Variants in TMBIM6 observed in about 807,000 individuals in gnomAD.
TMBIM6 encodes the protein bax inhibitor 1.
A neutral mutation model predicts 31.4 loss-of-function variants in TMBIM6; 13 were observed. The ratio of observed to expected loss-of-function variants is 0.41; its 90% CI spans 0.27 to 0.66. The LOEUF is 0.66. Ranked by LOEUF, TMBIM6 falls within the 30% of genes least tolerant of loss-of-function variation. TMBIM6 has a pLI of 0.28. For missense variants in TMBIM6, 275 were observed against 289.5 expected, an observed-to-expected ratio of 0.95 and a Z score of 0.36; for synonymous variants, 85 against 101.7, an observed-to-expected ratio of 0.84 and a Z score of 0.99.
chr12:49,761,742 T>G lies in TMBIM6; in HGVS notation c.653T>G (p.Phe218Cys), dbSNP rs1396768440. 1.1e-5 allele frequency: 17 copies of G among 1,614,246 alleles called. No individual in the cohort carries two copies. The highest frequency in any genetic ancestry group is 1.4e-5 in the Non-Finnish European group (17 of 1,180,044). The change falls in exon 9 of 10, where the codon TTC becomes TGC. Residue 218 changes from phenylalanine (F) to cysteine (C), a missense_variant. By Grantham distance (205) the Phe-to-Cys change is radical. Coordinates refer to ENST00000267115, the MANE Select transcript of TMBIM6 (RefSeq NM_003217.3). ...CTCTTCTTAGATTTCATTACTGTCTTCAGAAAACTCATGATGATCCTGGCC... is the reference window on the plus strand; with the variant it reads ...CTCTTCTTAGATTTCATTACTGTCTGCAGAAAACTCATGATGATCCTGGCC... ...IDLFLDFITV[F>C]RKLMMILAMN...
At chr12:49,742,382 G>T in intron 1 of TMBIM6, 2 of 1,431,096 alleles carry the variant, frequency 1.4e-6, no homozygotes, top group Non-Finnish European at 9.3e-7. Context: ...GGGCCTACTT[G>T]CTGGACCTGT....
chr12:49,741,971 G>T, intron 1 of TMBIM6: 2 of 1,027,186 alleles, frequency 1.9e-6, no homozygotes, highest in Non-Finnish European at 2.8e-6. Flanking sequence ...AGGGCCCCTT[G>T]GCCTAGCTTC....
chr12:49,760,949 C>G (rs1319287803), intron 8 of TMBIM6, among the ~76,000 whole-genome samples: 1 of 151,978 alleles, frequency 6.6e-6, no homozygotes, highest in Non-Finnish European at 1.5e-5. Context: ...AGGTGTTTCT[C>G]CTGCCTTAAC....
chr12:49,753,145 C>A, intron 3 of TMBIM6, 64 bp downstream of exon 3: 1 of 1,228,590 alleles, frequency 8.1e-7, no homozygotes, highest in Non-Finnish European at 1.2e-6. Context: ...ACCAGCTCAG[C>A]AAGGTGGTCC....
intron 4 of TMBIM6, among the ~76,000 whole-genome samples, chr12:49,756,588 G>A (rs777101303): frequency 2.0e-5 from 3 of 146,640 alleles, no homozygotes; most frequent in East Asian, 2.0e-4. Context: ...GGACTACAGC[G>A]GCTAATTTTT....
chr12:49,759,314 T>C lies in TMBIM6; in HGVS notation c.607T>C (p.Tyr203His). The C allele has an allele frequency of 6.2e-7, 1 of 1,613,502 alleles. No homozygotes were observed. The highest frequency in any genetic ancestry group is 8.5e-7 in the Non-Finnish European group (1 of 1,179,446). ...IEKAEHGDQD[Y>H]IWHCIDLFLD... ...AAAGGCCGAACATGGAGATCAAGAT[T>C]ATATCTGGTGAGTGTGGGAACTAGT... Residue 203 changes from tyrosine (Y) to histidine (H), a missense_variant, in exon 8 of 10, where the codon TAT (tyrosine) becomes CAT (histidine). Tyr to His is a moderately conservative substitution (Grantham distance 83, BLOSUM62 2). Transcript: ENST00000267115.
At chr12:49,753,265 CTA>C (rs1274263847) in intron 3 of TMBIM6, among the ~76,000 whole-genome samples, 184 bp downstream of exon 3, 1 of 152,216 alleles carries the variant, frequency 6.6e-6, no homozygotes, top group East Asian at 1.9e-4. Context: ...TGTGCCCCCT[CTA>C]GATACCGAAA....
At chr12:49,745,507 T>G (rs1445321481) in intron 1 of TMBIM6, among the ~76,000 whole-genome samples, 1 of 152,132 alleles carries the variant, frequency 6.6e-6, no homozygotes, top group East Asian at 1.9e-4. Context: ...GGCAGATCAC[T>G]TGAGGTCAGG....
At chr12:49,758,844 TC>T in intron 7 of TMBIM6, 82 bp downstream of exon 7, 8 of 1,218,748 alleles carry the variant, frequency 6.6e-6, no homozygotes, top group African/African-American at 3.1e-5. Context: ...TGCACTTCTT[TC>T]TGTACTACTT....
chr12:49,751,650 A>G (rs1457793641), intron 1 of TMBIM6, among the ~76,000 whole-genome samples: 3 of 151,744 alleles, frequency 2.0e-5, no homozygotes, highest in Admixed American at 6.6e-5. Context: ...ATACGCATAT[A>G]TTTAAAATGC....
At chr12:49,758,185 G>A in intron 4 of TMBIM6, 42 bp from the exon 5 acceptor site, 1 of 1,612,428 alleles carries the variant, frequency 6.2e-7, no homozygotes, top group Non-Finnish European at 8.5e-7. Context: ...TCCTATTCAA[G>A]AATTGATCGT....
At position 49,762,967 on chromosome 12, in the gene TMBIM6, C is replaced by A; in HGVS notation, c.*71C>A. ...CCTCATTTCCTTTTTGCACACATTA[C>A]AGGTGGTGTGTTCTGTGATAATGAA... is the stretch of plus-strand genomic sequence containing the variant. On this transcript the variant is annotated 3_prime_UTR_variant, in exon 10 of 10. Coordinates refer to ENST00000267115, the MANE Select transcript of TMBIM6 (RefSeq NM_003217.3). 1 of 1,500,728 alleles carries A rather than the reference C, an allele frequency of 6.7e-7. No homozygotes were observed. Among genetic ancestry groups the A allele is most frequent in the Non-Finnish European group, 9.2e-7 (1 of 1,082,266 alleles). The allele number at this position is 1,500,728 out of a possible 1,614,324, so 93.0% of individuals were successfully genotyped here. A position where few individuals can be genotyped will look rare whatever the true frequency, so the allele number is the denominator to read the frequency against.
intron 4 of TMBIM6, among the ~76,000 whole-genome samples, chr12:49,756,440 CTTTTTTT>C (rs1194535783): frequency 4.7e-5 from 5 of 105,826 alleles, no homozygotes; most frequent in Non-Finnish European, 7.5e-5. Flanking sequence ...TGCCTCCTGG[CTTTTTTT>C]TTTTTTTTTT....
At chr12:49,741,751 C>G (rs1318459863) in intron 1 of TMBIM6, 140 bp downstream of exon 1, 1 of 231,916 alleles carries the variant, frequency 4.3e-6, no homozygotes, top group Non-Finnish European at 8.7e-6. Flanking sequence ...GCTCGGAGAC[C>G]AGACTCGGGA....
chr12:49,747,856 C>G (rs551953790), intron 1 of TMBIM6, among the ~76,000 whole-genome samples: 26 of 152,156 alleles, frequency 1.7e-4, no homozygotes, highest in African/African-American at 6.3e-4. Context: ...TTCACTGTAG[C>G]TCCTAGGTGT....
intron 8 of TMBIM6, among the ~76,000 whole-genome samples, chr12:49,761,127 T>A (rs1297198702): frequency 6.6e-6 from 1 of 152,092 alleles, no homozygotes; most frequent in Non-Finnish European, 1.5e-5. Context: ...TGAGCCACTG[T>A]GCTCGGCACT....
intron 1 of TMBIM6, chr12:49,750,807 G>A (rs1230488951): frequency 2.0e-5 from 3 of 152,234 alleles, no homozygotes; most frequent in South Asian, 4.1e-4. Context: ...GGAAGCAGAT[G>A]ATGTTTATAT....
In TMBIM6 at chr12:49,758,769, C is replaced by G; in HGVS notation, c.513+7C>G. 6.2e-7 allele frequency: 1 copy of G among 1,608,518 alleles called. No individual in the cohort carries two copies. The highest frequency in any genetic ancestry group is 8.5e-7 in the Non-Finnish European group (1 of 1,176,446). On this transcript the variant is annotated splice_region_variant and intron_variant, in intron 7 of 9. Coordinates refer to ENST00000267115, the MANE Select transcript of TMBIM6 (RefSeq NM_003217.3). ...ATCCATTTGGCTTTTCCAGGTAAGA[C>G]TTAGCCTGGAACTTTCCAGCAGCCA...
At chr12:49,760,634 T>C (rs1292986591) in intron 8 of TMBIM6, among the ~76,000 whole-genome samples, 3 of 150,202 alleles carry the variant, frequency 2.0e-5, no homozygotes, top group Non-Finnish European at 4.4e-5. Context: ...CCTCCTGGGT[T>C]CAAGCGATTC....
Sources: gnomAD v4.1 joint callset for allele counts (sites outside exome capture counted in the v4.1 genomes callset) on GRCh38, gnomAD v4.1.1 for gene constraint, MANE v1.5 for transcripts, NCBI Gene and HGNC (gene_info 2026-07-23, HGNC 2026-07-21) for gene names.